KIF13A: variants seen among roughly 807,000 people sequenced by gnomAD.
KIF13A encodes the protein kinesin family member 13A.
Under a neutral mutation model 212.2 loss-of-function variants are expected in KIF13A, and 79 were observed. The observed-to-expected ratio is 0.37, with a 90% confidence interval of 0.31 to 0.45. The LOEUF (loss-of-function observed/expected upper bound fraction) is 0.45. Ranked by LOEUF, KIF13A falls within the 20% of genes least tolerant of loss-of-function variation. KIF13A has a pLI of 1.00. For missense variants in KIF13A, 1,901 were observed against 2,209.0 expected (o/e 0.86, Z 2.79); for synonymous variants, 789 against 808.6 (o/e 0.98, Z 0.41).
Position 17,839,079 on chromosome 6 carries a change from C to T in KIF13A, c.831-1496G>A, listed in dbSNP as rs1766257456. Among the ~76,000 whole-genome samples the T allele has an allele frequency of 6.6e-6, 1 of 152,170 alleles. No homozygotes were observed. Among genetic ancestry groups the T allele is most frequent in the South Asian group, 2.1e-4 (1 of 4,828 alleles). On this transcript the variant is annotated intron_variant, in intron 9 of 38. Transcript: ENST00000259711. The surrounding 1 kb of genome is among the most constrained non-coding windows in gnomAD (Gnocchi z 4.3). ...AGGTGATCCACCCATCCTGGCATCC[C>T]AAAGTGCTGGGATTATAGGCGTGAG...
chr6:17,976,252 G>T (rs1780459037), intron 2 of KIF13A, among the ~76,000 whole-genome samples: 1 of 152,216 alleles, frequency 6.6e-6, no homozygotes, highest in Non-Finnish European at 1.5e-5. Context: ...CGCTCGTCAG[G>T]GAGGCTCGGG....
chr6:17,942,143 A>C (rs951392022), intron 2 of KIF13A, among the ~76,000 whole-genome samples: 10 of 152,018 alleles, frequency 6.6e-5, no homozygotes, highest in Admixed American at 4.6e-4. Context: ...TCTATAAAAA[A>C]ACACAAAAAT....
At chr6:17,804,278 T>C (rs919808195) in intron 20 of KIF13A, 83 bp downstream of exon 20, 21 of 1,286,526 alleles carry the variant, frequency 1.6e-5, no homozygotes, top group South Asian at 1.9e-5. Context: ...CTCAAGAACA[T>C]AGCTTAAATA....
In KIF13A at chr6:17,779,103, C is replaced by A. The variant is rs376393481; in HGVS notation, c.3940-4G>T. The A allele has an allele frequency of 1.7e-5, 28 of 1,612,650 alleles. No homozygotes were observed. In the East Asian group the frequency reaches 4.2e-4, roughly 24 times the overall value. On this transcript the variant is annotated splice_region_variant and splice_polypyrimidine_tract_variant and intron_variant, in intron 32 of 38. Coordinates refer to ENST00000259711, the MANE Select transcript of KIF13A (RefSeq NM_022113.6). The stretch of plus-strand genomic sequence containing the variant: ...GGTCCTCTATCTCCTCAGTTGCCTA[C>A]GAGGACAGGAAGGAAGTGACAATAC...
At position 17,768,283 on chromosome 6, in the gene KIF13A, A is replaced by C. The variant is rs1295719381; in HGVS notation, c.4581+2831T>G. Among the ~76,000 whole-genome samples, 1 of 152,244 alleles carries C rather than the reference A, an allele frequency of 6.6e-6. No homozygotes were observed. The highest frequency in any genetic ancestry group is 1.5e-5 in the Non-Finnish European group (1 of 68,042). On this transcript the variant is annotated intron_variant, in intron 38 of 38. Coordinates refer to ENST00000259711, the MANE Select transcript of KIF13A (RefSeq NM_022113.6). The surrounding 1 kb of genome is among the most constrained non-coding windows in gnomAD (Gnocchi z 5.4). Reference sequence around the variant, plus strand: ...CTATCTGAAGTGGCACATGGAGTCAAGTTCTCAAGCTTCTCTATAGCTACA... The same window carrying C: ...CTATCTGAAGTGGCACATGGAGTCACGTTCTCAAGCTTCTCTATAGCTACA...
At chr6:17,977,904 A>T (rs1426465785) in intron 2 of KIF13A, among the ~76,000 whole-genome samples, 1 of 152,182 alleles carries the variant, frequency 6.6e-6, no homozygotes, top group African/African-American at 2.4e-5. Flanking sequence ...TGTTTCTGTC[A>T]CGTTTCTTAC....
intron 4 of KIF13A, among the ~76,000 whole-genome samples, chr6:17,859,271 A>C (rs1768459970): frequency 6.6e-6 from 1 of 152,128 alleles, no homozygotes; most frequent in Non-Finnish European, 1.5e-5. Context: ...TTGCAAGAAA[A>C]ATAAATGAAA....
At position 17,856,088 on chromosome 6, in the gene KIF13A, T is replaced by G; in HGVS notation, c.255A>C (p.Gly85=). The change falls in exon 5 of 39, where the codon GGA becomes GGC. Residue 85 remains glycine (G), a synonymous_variant. Transcript: ENST00000259711. The surrounding 1 kb of genome is among the most constrained non-coding windows in gnomAD (Gnocchi z 4.5). ...ACCCCTGAAAGGCTTTTTCAAGAAT[T>G]CCTTCCCCAAGGCACTTGAAAACCA... ...QEVVFKCLGE[G]ILEKAFQGYN... The G allele has an allele frequency of 2.5e-5, 41 of 1,613,520 alleles. No individual in the cohort carries two copies. Among genetic ancestry groups the G allele is most frequent in the Non-Finnish European group, 3.5e-5 (41 of 1,179,566 alleles).
chr6:17,860,508 T>G (rs1364342694), intron 4 of KIF13A, among the ~76,000 whole-genome samples: 1 of 152,148 alleles, frequency 6.6e-6, no homozygotes, highest in Non-Finnish European at 1.5e-5. Flanking sequence ...TTTTTCATGT[T>G]CACCTTTACT....
chr6:17,832,969 G>T (rs1476517767), intron 12 of KIF13A, among the ~76,000 whole-genome samples: 1 of 134,706 alleles, frequency 7.4e-6, no homozygotes, highest in Non-Finnish European at 1.5e-5. Flanking sequence ...AGCCGAGATT[G>T]CGCCACTGCA....
chr6:17,975,477 C>T (rs546903826), intron 2 of KIF13A, among the ~76,000 whole-genome samples: 8 of 152,140 alleles, frequency 5.3e-5, no homozygotes, highest in South Asian at 2.1e-4. Context: ...CAGCGGTGAG[C>T]GTTACAGCTT....
intron 9 of KIF13A, among the ~76,000 whole-genome samples, chr6:17,842,527 T>C (rs2150387904): frequency 6.6e-6 from 1 of 152,284 alleles, no homozygotes; most frequent in African/African-American, 2.4e-5. Flanking sequence ...AGTGGCAAAA[T>C]AAGTTATTCC....
At chr6:17,966,071 A>G (rs985863553) in intron 2 of KIF13A, among the ~76,000 whole-genome samples, 2 of 152,174 alleles carry the variant, frequency 1.3e-5, no homozygotes, top group Admixed American at 6.5e-5. Context: ...GCGTGTGCCT[A>G]TAATTCCAGC....
chr6:17,964,762 T>C (rs1022578954), intron 2 of KIF13A, among the ~76,000 whole-genome samples: 3 of 152,164 alleles, frequency 2.0e-5, no homozygotes, highest in African/African-American at 7.2e-5. Context: ...CACAGTTGTT[T>C]TGATTTTATC....
In KIF13A at chr6:17,898,257, C is replaced by T. The variant is rs1772743957; in HGVS notation, c.147-77G>A. On this transcript the variant is annotated intron_variant, in intron 2 of 38. Coordinates refer to ENST00000259711, the MANE Select transcript of KIF13A (RefSeq NM_022113.6). This position sits in a 1 kb window ranked among gnomAD's most constrained non-coding sequence, Gnocchi z 5.2. Reference sequence around the variant, plus strand: ...ACACAGCAGCCACATCAGAGGGAAACAATGAAAGAGAAAAAAATAAGGTAA... The same window carrying T: ...ACACAGCAGCCACATCAGAGGGAAATAATGAAAGAGAAAAAAATAAGGTAA... 7.3e-7 allele frequency: 1 copy of T among 1,376,976 alleles called. No homozygotes were observed. Among genetic ancestry groups the T allele is most frequent in the Non-Finnish European group, 1.0e-6 (1 of 981,160 alleles). 85.3% of individuals were successfully genotyped at this position (1,376,976 alleles called of 1,614,324 possible). A position where few individuals can be genotyped will look rare whatever the true frequency, so the allele number is the denominator to read the frequency against.
intron 2 of KIF13A, among the ~76,000 whole-genome samples, chr6:17,960,810 A>T (rs1260987689): frequency 6.6e-6 from 1 of 152,228 alleles, no homozygotes; most frequent in Admixed American, 6.5e-5. Flanking sequence ...ACAGCAAAGT[A>T]AAAGTGAAAT....
chr6:17,764,579 T>G lies in KIF13A; in HGVS notation c.4949A>C (p.Lys1650Thr), dbSNP rs1329780094. The G allele has an allele frequency of 1.6e-5, 26 of 1,613,854 alleles. No individual in the cohort carries two copies. Among genetic ancestry groups the G allele is most frequent in the Non-Finnish European group, 2.1e-5 (25 of 1,179,822 alleles). Residue 1650 changes from lysine to threonine, a missense_variant, in exon 39 of 39, where the codon AAA (lysine) becomes ACA (threonine). Coordinates refer to ENST00000259711, the MANE Select transcript of KIF13A (RefSeq NM_022113.6). The surrounding 1 kb of genome is among the most constrained non-coding windows in gnomAD (Gnocchi z 5.1). ...GCCTTTTTCGACTTCTGTCAACTCTTTGTTTGAGGACGGCCTGAAATCATG... is the reference window on the plus strand; with the variant it reads ...GCCTTTTTCGACTTCTGTCAACTCTGTGTTTGAGGACGGCCTGAAATCATG... ...LVHDFRPSSN[K>T]ELTEVEKGLV...
In KIF13A at chr6:17,829,373, T is replaced by C. The variant is rs982256517; in HGVS notation, c.1402-1003A>G. Reference sequence around the variant, plus strand: ...GAGAGAGCAGAGCCAAACAACATGTTCGTGTTTATATTAAAGTAGTTTTGA... The same window carrying C: ...GAGAGAGCAGAGCCAAACAACATGTCCGTGTTTATATTAAAGTAGTTTTGA... On this transcript the variant is annotated intron_variant, in intron 13 of 38. Transcript: ENST00000259711. The surrounding 1 kb of genome is among the most constrained non-coding windows in gnomAD (Gnocchi z 5.4). Among the ~76,000 whole-genome samples, 1 of 152,202 alleles carries C rather than the reference T, an allele frequency of 6.6e-6. No individual in the cohort carries two copies. The highest frequency in any genetic ancestry group is 2.4e-5 in the African/African-American group (1 of 41,452).
intron 16 of KIF13A, among the ~76,000 whole-genome samples, chr6:17,820,841 G>A (rs1264179493): frequency 3.3e-5 from 5 of 152,122 alleles, no homozygotes; most frequent in Non-Finnish European, 2.9e-5. Flanking sequence ...AAAAAATGGC[G>A]GTGGTAGTGG....
Sources: gnomAD v4.1 joint callset for allele counts (sites outside exome capture counted in the v4.1 genomes callset) on GRCh38, gnomAD v4.1.1 for gene constraint, Gnocchi (gnomAD v3.1) non-coding constraint, MANE v1.5 for transcripts, NCBI Gene and HGNC (gene_info 2026-07-23, HGNC 2026-07-21) for gene names.